C7: variants seen among roughly 807,000 people sequenced by gnomAD.
The protein encoded by C7 is complement component C7.
Under a neutral mutation model 104.8 loss-of-function variants are expected in C7, and 83 were observed. That is an observed-to-expected ratio of 0.79 (90% confidence interval 0.66 to 0.95). C7 has a LOEUF of 0.95. C7 is among the 40% of genes least tolerant of loss of function. The probability of loss-of-function intolerance (pLI) is 0.00; values close to 1 mark genes in which losing one functional copy is unlikely to be tolerated. For missense variants in C7, 1,070 were observed against 1,011.2 expected (o/e 1.06, Z -0.79); for synonymous variants, 415 against 360.6 (o/e 1.15, Z -1.71).
At chr5:40,978,873 A>ATTTTTTTTTTTTT (rs372551834) in intron 16 of C7, among the ~76,000 whole-genome samples, 841 of 79,984 alleles carry the variant, frequency 0.011, 57 homozygotes, top group African/African-American at 0.012. Flanking sequence ...TTTTATGGAA[A>ATTTTTTTTTTTTT]TTTTTTTTTT....
rs755589104 is a variant in C7 at position 40,955,402 on chromosome 5, T to C, written c.1109T>C (p.Val370Ala). 6.2e-7 allele frequency: 1 copy of C among 1,608,788 alleles called. No homozygotes were observed. Among genetic ancestry groups the C allele is most frequent in the East Asian group, 2.2e-5 (1 of 44,548 alleles). ...TTCTGTATAGGAACCCAGAACAATG[T>C]ATTGCGAGGAGAACCGTTCATCAGA... is the stretch of plus-strand genomic sequence containing the variant. ...LKAASGTQNN[V>A]LRGEPFIRGG... The change falls in exon 10 of 18, where the codon GTA (valine) becomes GCA (alanine). Residue 370 changes from valine (V) to alanine (A), a missense_variant. Physicochemically the swap from Val to Ala is moderately conservative, Grantham distance 64. Coordinates refer to ENST00000313164, the MANE Select transcript of C7 (RefSeq NM_000587.4).
intron 16 of C7, among the ~76,000 whole-genome samples, chr5:40,977,710 G>A (rs996725880): frequency 3.3e-5 from 5 of 152,228 alleles, no homozygotes; most frequent in Non-Finnish European, 1.5e-5. Context: ...TGAAGCTAGA[G>A]GCCGAGGAAG....
At chr5:40,941,333 G>A (rs879432901) in intron 6 of C7, among the ~76,000 whole-genome samples, 5 of 152,054 alleles carry the variant, frequency 3.3e-5, no homozygotes, top group Non-Finnish European at 7.4e-5. Flanking sequence ...CAAAGTGCTG[G>A]GATTACAAGC....
chr5:40,971,293 T>C (rs909282541), intron 14 of C7, among the ~76,000 whole-genome samples: 1 of 152,242 alleles, frequency 6.6e-6, no homozygotes, highest in Non-Finnish European at 1.5e-5. Context: ...TGGCGTGAGA[T>C]GGTATCTCAT....
intron 1 of C7, among the ~76,000 whole-genome samples, chr5:40,926,983 C>G (rs1269558267): frequency 6.6e-6 from 1 of 152,084 alleles, no homozygotes; most frequent in Non-Finnish European, 1.5e-5. Context: ...TGTTACTCTG[C>G]CTGATTTTAA....
chr5:40,915,994 CTT>C (rs764392661), intron 1 of C7, among the ~76,000 whole-genome samples: 5 of 152,022 alleles, frequency 3.3e-5, no homozygotes, highest in Non-Finnish European at 7.4e-5. Flanking sequence ...TTTTAAAGTC[CTT>C]TATCCAGAGT....
rs2053881 is a variant in C7 at position 40,982,989 on chromosome 5, T to G, written c.*1416T>G. On this transcript the variant is annotated 3_prime_UTR_variant, in exon 18 of 18. Transcript: ENST00000313164. ...TTTTAGAGAAGATTTTCATGATGAA[T>G]GGTTAATGTGTTCTTGCCTGAAGTT... 34,834 of 152,324 alleles carry G rather than the reference T, an allele frequency of 0.23. 4,269 individuals are homozygous for G. Among genetic ancestry groups the G allele is most frequent in the South Asian group, 0.4 (1,924 of 4,818 alleles). 9.4% of individuals were successfully genotyped at this position (152,324 alleles called of 1,614,324 possible). A position where few individuals can be genotyped will look rare whatever the true frequency, so the allele number is the denominator to read the frequency against.
intron 1 of C7, among the ~76,000 whole-genome samples, chr5:40,916,917 A>C (rs1739331244): frequency 6.6e-6 from 1 of 152,058 alleles, no homozygotes; most frequent in Admixed American, 6.6e-5. Context: ...GTTTTTAAGA[A>C]TATAATACAT....
At chr5:40,971,083 C>T (rs897070267) in intron 14 of C7, among the ~76,000 whole-genome samples, 3 of 152,114 alleles carry the variant, frequency 2.0e-5, no homozygotes, top group Non-Finnish European at 2.9e-5. Flanking sequence ...TGATTTATAA[C>T]CCTTTGGGTA....
At chr5:40,936,824 A>T (rs1579849284) in intron 5 of C7, among the ~76,000 whole-genome samples, 1 of 152,136 alleles carries the variant, frequency 6.6e-6, no homozygotes, top group East Asian at 1.9e-4. Context: ...ATACTAATTC[A>T]ATAATGTGGG....
At chr5:40,948,059 T>C (rs1740090380) in intron 8 of C7, among the ~76,000 whole-genome samples, 1 of 152,180 alleles carries the variant, frequency 6.6e-6, no homozygotes, top group African/African-American at 2.4e-5. Flanking sequence ...TACCTTGAGC[T>C]AAATCATTAT....
rs867721633 is a variant in C7, at chr5:40,949,921, G to A, written c.1000G>A (p.Glu334Lys). 2 of 1,589,826 alleles carry A rather than the reference G, an allele frequency of 1.3e-6. No homozygotes were observed. The highest frequency in any genetic ancestry group is 1.7e-6 in the Non-Finnish European group (2 of 1,165,454). The change falls in exon 9 of 18, where the codon GAA becomes AAA. Residue 334 changes from glutamate (E) to lysine (K), a missense_variant. Physicochemically the swap from Glu to Lys is moderately conservative, Grantham distance 56. Coordinates refer to ENST00000313164, the MANE Select transcript of C7 (RefSeq NM_000587.4). Reference sequence around the variant, plus strand: ...TCCCCTAGATTTTAATTCAGTCGAAGAAAAGAAATGTAAATCCTCAGGTTG... The same window carrying A: ...TCCCCTAGATTTTAATTCAGTCGAAAAAAAGAAATGTAAATCCTCAGGTTG... ...LKQNDFNSVE[E>K]KKCKSSGWHF... is the part of the protein sequence containing the mutation.
intron 9 of C7, among the ~76,000 whole-genome samples, chr5:40,952,218 C>T (rs1740185541): frequency 1.3e-5 from 2 of 152,188 alleles, no homozygotes; most frequent in African/African-American, 4.8e-5. Context: ...GTCCTCCTAC[C>T]TATGTGTTAA....
At chr5:40,975,039 C>T (rs536789490) in intron 15 of C7, among the ~76,000 whole-genome samples, 1 of 152,212 alleles carries the variant, frequency 6.6e-6, no homozygotes, top group African/African-American at 2.4e-5. Flanking sequence ...CCAGATGTCC[C>T]CTGGGGGACA....
chr5:40,965,627 G>GATATATATATAT (rs376480588), intron 14 of C7, among the ~76,000 whole-genome samples: 1 of 123,030 alleles, frequency 8.1e-6, no homozygotes, highest in Non-Finnish European at 1.7e-5. Flanking sequence ...AGTGTATAGT[G>GATATATATATAT]ATATATATAT....
At chr5:40,960,959 GGAT>G (rs1740407338) in intron 12 of C7, among the ~76,000 whole-genome samples, 1 of 151,944 alleles carries the variant, frequency 6.6e-6, no homozygotes. Context: ...GGCACTTGTG[GGAT>G]GATATTAGGA....
chr5:40,913,827 G>T (rs1370439870), intron 1 of C7, among the ~76,000 whole-genome samples: 2 of 152,002 alleles, frequency 1.3e-5, no homozygotes, highest in Non-Finnish European at 2.9e-5. Flanking sequence ...CTACAGGTGC[G>T]TGCCAACATG....
chr5:40,916,969 T>C (rs902230828), intron 1 of C7, among the ~76,000 whole-genome samples: 1 of 151,880 alleles, frequency 6.6e-6, no homozygotes, highest in Non-Finnish European at 1.5e-5. Flanking sequence ...ACCCAGTCTC[T>C]ACTAAAAATT....
At chr5:40,957,544 C>T (rs1041729360) in intron 10 of C7, among the ~76,000 whole-genome samples, 2 of 152,106 alleles carry the variant, frequency 1.3e-5, no homozygotes, top group African/African-American at 2.4e-5. Context: ...CAACCTCCAC[C>T]TCCCAGGTTC....
Sources: allele counts gnomAD v4.1 joint callset (sites outside exome capture counted in the v4.1 genomes callset), GRCh38; gene constraint gnomAD v4.1.1; transcripts MANE v1.5; gene names NCBI Gene and HGNC (gene_info 2026-07-23, HGNC 2026-07-21).